Variants in CFAP299 observed in about 807,000 individuals in gnomAD.
The protein encoded by CFAP299 is cilia and flagella associated protein 299.
A neutral mutation model predicts 27.0 loss-of-function variants in CFAP299; 21 were observed. The ratio of observed to expected loss-of-function variants is 0.78; its 90% CI spans 0.55 to 1.12. CFAP299 has a LOEUF of 1.12. Ranked by LOEUF, CFAP299 falls within the 50% of genes most tolerant of loss-of-function variation. CFAP299 has a pLI of 0.00. For synonymous variants in CFAP299, 104 were observed against 98.1 expected, an observed-to-expected ratio of 1.06 and a Z score of -0.36; for missense variants, 310 against 276.6, an observed-to-expected ratio of 1.12 and a Z score of -0.86.
chr4:80,639,505 T>A (rs1038277213), intron 3 of CFAP299, among the ~76,000 whole-genome samples: 2 of 152,042 alleles, frequency 1.3e-5, no homozygotes, highest in African/African-American at 4.8e-5. Context: ...TTATTGACAG[T>A]TTTAAGACAG....
chr4:80,697,457 G>A (rs1721176971), intron 3 of CFAP299, among the ~76,000 whole-genome samples: 1 of 152,116 alleles, frequency 6.6e-6, no homozygotes, highest in Admixed American at 6.5e-5. Context: ...TCAGATACTG[G>A]AGCCACTAAT....
At chr4:80,499,574 T>A (rs1313773235) in intron 2 of CFAP299, among the ~76,000 whole-genome samples, 2 of 152,170 alleles carry the variant, frequency 1.3e-5, no homozygotes, top group Non-Finnish European at 2.9e-5. Context: ...GATTTAGGCA[T>A]GTCTCTTTTT....
At position 80,419,791 on chromosome 4, in the gene CFAP299, A is replaced by G. The variant is rs149899349; in HGVS notation, c.242+56907A>G. ...TTGGGTAACCTCTATACTGTTTTCT[A>G]TATGATGTACTAACTTACACTCCTA... On this transcript the variant is annotated intron_variant, in intron 2 of 5. Transcript: ENST00000358105. Among the ~76,000 whole-genome samples the G allele has an allele frequency of 3.9e-5, 6 of 152,228 alleles. 1 individual carries two copies. Among genetic ancestry groups the G allele is most frequent in the South Asian group, 2.1e-4 (1 of 4,824 alleles).
At chr4:80,709,694 T>C (rs1342274173) in intron 3 of CFAP299, among the ~76,000 whole-genome samples, 1 of 152,136 alleles carries the variant, frequency 6.6e-6, no homozygotes, top group Non-Finnish European at 1.5e-5. Flanking sequence ...CAGAAGTTTG[T>C]TTTGTTAAGT....
intron 4 of CFAP299, chr4:80,870,419 C>T (rs1334029190): frequency 1.9e-6 from 2 of 1,063,664 alleles, no homozygotes; most frequent in African/African-American, 1.7e-5. Context: ...CCTCATGAGG[C>T]TTTTGCAGCA....
intron 3 of CFAP299, among the ~76,000 whole-genome samples, chr4:80,615,842 C>T (rs1220540787): frequency 6.6e-6 from 1 of 152,096 alleles, no homozygotes; most frequent in Non-Finnish European, 1.5e-5. Context: ...TAAAAGTAAC[C>T]ACATTATTGA....
chr4:80,631,870 C>G lies in CFAP299; in HGVS notation c.333+48687C>G, dbSNP rs866363483. Reference sequence around the variant, plus strand: ...GTCTGAATATTTGTGCCCCACCCCCCCCCAACCAAATTCATATGTTAACAT... The same window carrying G: ...GTCTGAATATTTGTGCCCCACCCCCGCCCAACCAAATTCATATGTTAACAT... On this transcript the variant is annotated intron_variant, in intron 3 of 5. Transcript: ENST00000358105. 4.0e-5 allele frequency among the ~76,000 whole-genome samples: 4 copies of G among 99,780 alleles called. 1 individual carries two copies. The highest frequency in any genetic ancestry group is 7.4e-5 in the African/African-American group (2 of 26,950). 65.5% of individuals were successfully genotyped at this position (99,780 alleles called of 152,430 possible).
intron 3 of CFAP299, among the ~76,000 whole-genome samples, chr4:80,794,361 T>G (rs775201458): frequency 1.3e-5 from 2 of 152,152 alleles, no homozygotes; most frequent in African/African-American, 4.8e-5. Flanking sequence ...TCATTAGGGG[T>G]GATGGCAAGT....
chr4:80,650,922 G>A (rs746908212), intron 3 of CFAP299, among the ~76,000 whole-genome samples: 21 of 151,896 alleles, frequency 1.4e-4, no homozygotes, highest in Non-Finnish European at 2.1e-4. Context: ...TATCCTGCTC[G>A]GGTGATGAGT....
chr4:80,331,878 A>G (rs550130203), upstream of CFAP299, among the ~76,000 whole-genome samples: 1 of 152,326 alleles, frequency 6.6e-6, no homozygotes, highest in African/African-American at 2.4e-5. Context: ...CCAAGTAACA[A>G]AAGTGTAGAG....
intron 3 of CFAP299, among the ~76,000 whole-genome samples, chr4:80,845,070 T>C (rs1227849473): frequency 1.3e-5 from 2 of 152,194 alleles, no homozygotes; most frequent in African/African-American, 4.8e-5. Context: ...GTTGTAGATA[T>C]GTGGCATTAT....
chr4:80,385,302 G>A (rs893716817), intron 2 of CFAP299, among the ~76,000 whole-genome samples: 4 of 151,362 alleles, frequency 2.6e-5, no homozygotes, highest in Admixed American at 1.3e-4. Flanking sequence ...ATTTCTCTTC[G>A]TCCACATACA....
intron 2 of CFAP299, among the ~76,000 whole-genome samples, chr4:80,492,728 G>A (rs113258724): frequency 1.4e-4 from 22 of 152,288 alleles, no homozygotes; most frequent in African/African-American, 4.6e-4. Context: ...AAGATGACTT[G>A]TTGCTTACAG....
intron 2 of CFAP299, among the ~76,000 whole-genome samples, chr4:80,450,301 A>G (rs1248241311): frequency 6.6e-6 from 1 of 152,226 alleles, no homozygotes; most frequent in Non-Finnish European, 1.5e-5. Context: ...ATGCATTGAT[A>G]TATGTGCCAA....
chr4:80,725,483 A>G (rs1353979075), intron 3 of CFAP299, among the ~76,000 whole-genome samples: 3 of 152,160 alleles, frequency 2.0e-5, no homozygotes, highest in African/African-American at 7.2e-5. Flanking sequence ...CTGAAAAGCT[A>G]ATTGGAAGTC....
At chr4:80,717,346 A>G (rs1446945022) in intron 3 of CFAP299, among the ~76,000 whole-genome samples, 1 of 152,116 alleles carries the variant, frequency 6.6e-6, no homozygotes, top group Non-Finnish European at 1.5e-5. Context: ...ATAAGAGAAG[A>G]GAACCAGAAC....
At chr4:80,738,275 T>C (rs952220531) in intron 3 of CFAP299, among the ~76,000 whole-genome samples, 20 of 152,154 alleles carry the variant, frequency 1.3e-4, no homozygotes, top group Non-Finnish European at 1.0e-4. Flanking sequence ...TAATGTCCAA[T>C]GTTTCTTTGT....
chr4:80,532,444 A>G (rs937898978), intron 2 of CFAP299, among the ~76,000 whole-genome samples: 1 of 152,208 alleles, frequency 6.6e-6, no homozygotes, highest in African/African-American at 2.4e-5. Context: ...TATAACTGGA[A>G]AGCCACAAGT....
At chr4:80,537,441 T>A (rs2110194779) in intron 2 of CFAP299, among the ~76,000 whole-genome samples, 1 of 152,248 alleles carries the variant, frequency 6.6e-6, no homozygotes, top group South Asian at 2.1e-4. Flanking sequence ...AACCTAAGTG[T>A]CCACCAGTGC....
Sources: gnomAD v4.1 joint callset for allele counts (sites outside exome capture counted in the v4.1 genomes callset) on GRCh38, gnomAD v4.1.1 for gene constraint, MANE v1.5 for transcripts, NCBI Gene and HGNC (gene_info 2026-07-23, HGNC 2026-07-21) for gene names.